The following GEMIN2 variants were observed in gnomAD, a reference collection of about 807,000 sequenced individuals.
The protein encoded by GEMIN2 is gem-associated protein 2.
In GEMIN2, 37 loss-of-function variants were observed where a neutral mutation model predicts 45.8. That is an observed-to-expected ratio of 0.81 (90% CI 0.62 to 1.06). The LOEUF (loss-of-function observed/expected upper bound fraction) is 1.06, where lower values mean the gene tolerates loss of function less well. GEMIN2 is among the 50% of genes least tolerant of loss of function. The probability of loss-of-function intolerance (pLI) is 0.00; values close to 1 mark genes in which losing one functional copy is unlikely to be tolerated. For synonymous variants in GEMIN2, 101 were observed against 111.5 expected, an observed-to-expected ratio of 0.91 and a Z score of 0.60; for missense variants, 335 against 321.8, an observed-to-expected ratio of 1.04 and a Z score of -0.31.
In GEMIN2 at chr14:39,114,388, T is replaced by A; in HGVS notation, c.50T>A (p.Leu17Gln). The A allele has an allele frequency of 2.5e-6, 4 of 1,613,822 alleles. No homozygotes were observed. Among genetic ancestry groups the A allele is most frequent in the Non-Finnish European group, 3.4e-6 (4 of 1,179,674 alleles). ...GCAGTGGAAGAGTTGATGCCTCGGC[T>A]ATTGCCGGTAGAGCCTTGCGACTTG... ...ESAVEELMPR[L>Q]LPVEPCDLTE... The change falls in exon 1 of 10, where the codon CTA becomes CAA. Residue 17 changes from leucine (L) to glutamine (Q), a missense_variant. Transcript: ENST00000308317.
At chr14:39,122,634 A>C in intron 5 of GEMIN2, 91 bp downstream of exon 5, 1 of 619,422 alleles carries the variant, frequency 1.6e-6, no homozygotes, top group East Asian at 3.0e-5. Context: ...CCCTGGGCCA[A>C]GTCCAGTTCA....
intron 7 of GEMIN2, among the ~76,000 whole-genome samples, chr14:39,129,934 GTTTTTTTTTTTTTT>G (rs34165330): frequency 0.036 from 2,198 of 61,626 alleles, 110 homozygotes; most frequent in African/African-American, 0.12. Flanking sequence ...AGACAAGTTT[GTTTTTTTTTTTTTT>G]TTTTTTTTTT....
chr14:39,122,661 C>T (rs1177833883), intron 5 of GEMIN2, 118 bp downstream of exon 5: 1 of 531,096 alleles, frequency 1.9e-6, no homozygotes, highest in African/African-American at 2.0e-5. Context: ...TTTTTATATC[C>T]ATGAGCTAAG....
At chr14:39,118,353 C>G (rs775272666) in intron 3 of GEMIN2, among the ~76,000 whole-genome samples, 187 bp from the exon 4 acceptor site, 1 of 152,072 alleles carries the variant, frequency 6.6e-6, no homozygotes, top group Non-Finnish European at 1.5e-5. Context: ...GTGGTGATTT[C>G]TGAGATTTTG....
Position 39,114,461 on chromosome 14 carries a change from C to A in GEMIN2, c.123C>A (p.Tyr41Ter). 1 of 1,613,036 alleles carries A rather than the reference C, an allele frequency of 6.2e-7. No individual in the cohort carries two copies. Among genetic ancestry groups the A allele is most frequent in the Non-Finnish European group, 8.5e-7 (1 of 1,179,234 alleles). The change falls in exon 1 of 10, where the codon TAC becomes TAA. Residue 41 changes from tyrosine to a stop codon, truncating the protein, a stop_gained. Coordinates refer to ENST00000308317, the MANE Select transcript of GEMIN2 (RefSeq NM_003616.3). LOFTEE classifies it high-confidence loss of function. ...PSVPPRTPQEYLRRVQIEAAQ... is the reference protein window; with the variant it reads ...PSVPPRTPQE The stretch of plus-strand genomic sequence containing the variant: ...TACCCCCGAGGACGCCTCAGGAATA[C>A]CTGAGGCGGGTCCAGTGAGTGATTC...
intron 5 of GEMIN2, among the ~76,000 whole-genome samples, chr14:39,123,076 T>C (rs562004462): frequency 3.3e-5 from 5 of 152,256 alleles, no homozygotes; most frequent in African/African-American, 9.6e-5. Flanking sequence ...ATTCTAAAGA[T>C]GAAATGTTGA....
chr14:39,136,424 G>GT lies in GEMIN2; in HGVS notation c.771-6dup, dbSNP rs375268766. On this transcript the variant is annotated splice_polypyrimidine_tract_variant and intron_variant, in intron 9 of 9. Transcript: ENST00000308317. ...TAATATCTTTATACATAAATTTTTT[G>GT]TTTTTTTTTTACTAGGTATTTTGAC... The GT allele has an allele frequency of 0.023, 25,702 of 1,120,774 alleles. 58 individuals carry two copies. Among genetic ancestry groups the GT allele is most frequent in the African/African-American group, 0.051 (3,242 of 63,034 alleles). 69.4% of individuals were successfully genotyped at this position (1,120,774 alleles called of 1,614,324 possible).
At chr14:39,117,825 A>G (rs2052528620) in intron 2 of GEMIN2, among the ~76,000 whole-genome samples, 174 bp from the exon 3 acceptor site, 1 of 152,246 alleles carries the variant, frequency 6.6e-6, no homozygotes, top group Non-Finnish European at 1.5e-5. Context: ...TAACTGAGAT[A>G]TAAATAATAA....
In GEMIN2 at chr14:39,118,579, T is replaced by G; in HGVS notation, c.352T>G (p.Leu118Val). The change falls in exon 4 of 10, where the codon TTG becomes GTG. Residue 118 changes from leucine (L) to valine (V), a missense_variant. Leu to Val is a conservative substitution (Grantham distance 32). Coordinates refer to ENST00000308317, the MANE Select transcript of GEMIN2 (RefSeq NM_003616.3). Reference protein sequence around the residue: ...KHRSHWKSQQLDSNVTMPKSE... With the variant: ...KHRSHWKSQQVDSNVTMPKSE... Reference sequence around the variant, plus strand: ...TAGAAGTCACTGGAAATCACAACAGTTGGATAGTAATGTGACAATGGTATG... The same window carrying G: ...TAGAAGTCACTGGAAATCACAACAGGTGGATAGTAATGTGACAATGGTATG... The G allele has an allele frequency of 6.7e-7, 1 of 1,495,916 alleles. No individual in the cohort carries two copies. Among genetic ancestry groups the G allele is most frequent in the Non-Finnish European group, 9.3e-7 (1 of 1,072,874 alleles). 92.7% of individuals were successfully genotyped at this position (1,495,916 alleles called of 1,614,324 possible). A position where few individuals can be genotyped will look rare whatever the true frequency, so the allele number is the denominator to read the frequency against.
chr14:39,136,363 C>T, intron 9 of GEMIN2, 77 bp from the exon 10 acceptor site: 2 of 774,716 alleles, frequency 2.6e-6, no homozygotes, highest in Non-Finnish European at 4.6e-6. Context: ...GTTTGGGTTG[C>T]TTATGGTCTT....
chr14:39,134,514 A>T (rs2052759731), intron 9 of GEMIN2: 1 of 152,214 alleles, frequency 6.6e-6, no homozygotes, highest in Non-Finnish European at 1.5e-5. Context: ...CATTGCCAGT[A>T]CCTTTTTAAA....
Position 39,136,422 on chromosome 14 carries a change from T to C in GEMIN2, c.771-18T>C, listed in dbSNP as rs1424747306. 34 of 1,335,676 alleles carry C rather than the reference T, an allele frequency of 2.5e-5. No individual in the cohort carries two copies. Among genetic ancestry groups the C allele is most frequent in the Non-Finnish European group, 3.7e-5 (34 of 928,122 alleles). 82.7% of individuals were successfully genotyped at this position (1,335,676 alleles called of 1,614,324 possible). ...GTTAATATCTTTATACATAAATTTT[T>C]TGTTTTTTTTTTACTAGGTATTTTG... is the stretch of plus-strand genomic sequence containing the variant. On this transcript the variant is annotated intron_variant, in intron 9 of 9. Coordinates refer to ENST00000308317, the MANE Select transcript of GEMIN2 (RefSeq NM_003616.3).
At chr14:39,124,969 T>C (rs370514379) in intron 5 of GEMIN2, 23 bp from the exon 6 acceptor site, 14 of 1,328,000 alleles carry the variant, frequency 1.1e-5, no homozygotes, top group Admixed American at 1.7e-5. Context: ...TTTAGTAAAA[T>C]TCAGTCTCAT....
chr14:39,134,243 G>A (rs1302325504), intron 9 of GEMIN2: 8 of 152,278 alleles, frequency 5.3e-5, no homozygotes, highest in Admixed American at 4.6e-4. Flanking sequence ...TTTTGAGACA[G>A]AGTCTCGCTC....
chr14:39,124,921 C>T, intron 5 of GEMIN2, 71 bp from the exon 6 acceptor site: 1 of 750,160 alleles, frequency 1.3e-6, no homozygotes, highest in Non-Finnish European at 2.3e-6. Context: ...GCAAGAAATT[C>T]ACCAGTTTGA....
At chr14:39,128,390 T>A in intron 7 of GEMIN2, 42 bp downstream of exon 7, 4 of 1,117,984 alleles carry the variant, frequency 3.6e-6, no homozygotes, top group Non-Finnish European at 5.4e-6. Context: ...AGGCAAAAAT[T>A]AGACGTTTTG....
rs2052533674 is a variant in GEMIN2 at position 39,118,170 on chromosome 14, G to T, written c.312+82G>T. The T allele has an allele frequency of 1.1e-5, 7 of 651,914 alleles. No individual in the cohort carries two copies. The South Asian group carries it at 1.2e-4, about 11-fold the overall frequency. The allele number at this position is 651,914 out of a possible 1,614,324, so 40.4% of individuals were successfully genotyped here. On this transcript the variant is annotated intron_variant, in intron 3 of 9. Transcript: ENST00000308317. Reference sequence around the variant, plus strand: ...CTGTAGCTGGAAAAATAAAATTTATGATCCTAAAGTATACAGAATATTCAT... The same window carrying T: ...CTGTAGCTGGAAAAATAAAATTTATTATCCTAAAGTATACAGAATATTCAT...
intron 2 of GEMIN2, among the ~76,000 whole-genome samples, chr14:39,117,619 C>G (rs148749274): frequency 1.6e-4 from 25 of 152,280 alleles, no homozygotes; most frequent in African/African-American, 6.0e-4. Flanking sequence ...CTCATTCCTT[C>G]TAACTGTATT....
At chr14:39,133,033 T>A (rs996077582) in intron 8 of GEMIN2, among the ~76,000 whole-genome samples, 1 of 144,156 alleles carries the variant, frequency 6.9e-6, no homozygotes, top group Admixed American at 7.0e-5. Flanking sequence ...TGTGTATATA[T>A]ATATATCTTT....
Sources: gnomAD v4.1 joint callset for allele counts (sites outside exome capture counted in the v4.1 genomes callset) on GRCh38, gnomAD v4.1.1 for gene constraint, MANE v1.5 for transcripts, NCBI Gene and HGNC (gene_info 2026-07-23, HGNC 2026-07-21) for gene names.